Variants in BRD3 observed in about 807,000 individuals in gnomAD.
The protein encoded by BRD3 is bromodomain containing 3, also known as bromodomain-containing protein 3.
A neutral mutation model predicts 66.8 loss-of-function variants in BRD3; 17 were observed. The ratio of observed to expected loss-of-function variants is 0.25; its 90% CI spans 0.17 to 0.38. The LOEUF is 0.38. Among genes scored for constraint, BRD3 ranks in the 10% least tolerant of loss-of-function variants. The pLI is 1.00. For missense variants in BRD3, 713 were observed against 956.1 expected, an observed-to-expected ratio of 0.75 and a Z score of 3.35; for synonymous variants, 421 against 393.2, an observed-to-expected ratio of 1.07 and a Z score of -0.84.
intron 9 of BRD3, 115 bp downstream of exon 9, chr9:134,039,919 C>G: frequency 6.8e-7 from 1 of 1,469,550 alleles, no homozygotes; most frequent in Non-Finnish European, 8.9e-7. Flanking sequence ...CCCCCATCAC[C>G]CTGGTTTCCA....
intron 4 of BRD3, 120 bp from the exon 5 acceptor site, chr9:134,050,708 C>T (rs937233412): frequency 2.6e-6 from 2 of 765,690 alleles, no homozygotes; most frequent in Non-Finnish European, 4.2e-6. Flanking sequence ...GACCGCCGGC[C>T]AGAAGAACCC....
At position 134,030,306 on chromosome 9, in the gene BRD3, T is replaced by C. The variant is rs1299648518; in HGVS notation, c.*3284A>G. 5.8e-5 allele frequency: 1 copy of C among 17,314 alleles called. No individual in the cohort carries two copies. The highest frequency in any genetic ancestry group is 4.3e-4 in the African/African-American group (1 of 2,352). The allele number at this position is 17,314 out of a possible 1,614,324, so 1.1% of individuals were successfully genotyped here. A position where few individuals can be genotyped will look rare whatever the true frequency, so the allele number is the denominator to read the frequency against. On this transcript the variant is annotated 3_prime_UTR_variant, in exon 12 of 12. Coordinates refer to ENST00000303407, the MANE Select transcript of BRD3 (RefSeq NM_007371.4). ...AAAATGCAAAAAAAAAAAACAGTCTTTTTTTTTTTTTTTTTTTTTGCTTTT... is the reference window on the plus strand; with the variant it reads ...AAAATGCAAAAAAAAAAAACAGTCTCTTTTTTTTTTTTTTTTTTTGCTTTT...
intron 10 of BRD3, among the ~76,000 whole-genome samples, chr9:134,035,066 C>T (rs1843578745): frequency 6.6e-6 from 1 of 152,224 alleles, no homozygotes; most frequent in Non-Finnish European, 1.5e-5. Context: ...TCAGGGTGAG[C>T]AAAGCCTGGA....
rs1446947230 is a variant in BRD3, at chr9:134,033,198, C to T, written c.*392G>A. On this transcript the variant is annotated 3_prime_UTR_variant, in exon 12 of 12. Transcript: ENST00000303407. The surrounding 1 kb of genome is among the most constrained non-coding windows in gnomAD (Gnocchi z 5.1). Reference sequence around the variant, plus strand: ...AAGCTAACAGCTTTCAAATACAGTACCCATATCCGAGACATTTCCTTGGAA... The same window carrying T: ...AAGCTAACAGCTTTCAAATACAGTATCCATATCCGAGACATTTCCTTGGAA... 2.5e-6 allele frequency: 1 copy of T among 407,092 alleles called. No individual in the cohort carries two copies. Among genetic ancestry groups the T allele is most frequent in the Non-Finnish European group, 4.3e-6 (1 of 231,432 alleles). 25.2% of individuals were successfully genotyped at this position (407,092 alleles called of 1,614,324 possible).
In BRD3 at chr9:134,052,416, T is replaced by C. The variant is rs1056218074; in HGVS notation, c.241A>G (p.Met81Val). The C allele has an allele frequency of 1.8e-5, 29 of 1,608,646 alleles. No homozygotes were observed. Among genetic ancestry groups the C allele is most frequent in the Non-Finnish European group, 2.4e-5 (28 of 1,178,266 alleles). The change falls in exon 3 of 12, where the codon ATG (methionine) becomes GTG (valine). Residue 81 changes from methionine (M) to valine (V), a missense_variant. Physicochemically the swap from Met to Val is conservative, Grantham distance 21 (BLOSUM62 1). Transcript: ENST00000303407. ...CTCTTCTTAATAGTCCCCATATCCA[T>C]TGGGTTTTTAATTATTTTATGATAA... Reference protein sequence around the residue: ...PDYHKIIKNPMDMGTIKKRLE... With the variant: ...PDYHKIIKNPVDMGTIKKRLE...
At chr9:134,049,218 T>A (rs763365549) in intron 5 of BRD3, among the ~76,000 whole-genome samples, 2 of 152,050 alleles carry the variant, frequency 1.3e-5, no homozygotes, top group Non-Finnish European at 2.9e-5. Context: ...GGTGTGCAGG[T>A]CTCTCTGGGC....
intron 1 of BRD3, 198 bp from the exon 2 acceptor site, chr9:134,053,788 A>C (rs555759792): frequency 1.3e-4 from 50 of 383,640 alleles, no homozygotes; most frequent in African/African-American, 8.6e-4. Flanking sequence ...GCTCAGAACG[A>C]CTCTCCAACC....
chr9:134,049,583 C>G (rs545747712), intron 5 of BRD3, among the ~76,000 whole-genome samples: 4 of 152,250 alleles, frequency 2.6e-5, no homozygotes, highest in Non-Finnish European at 5.9e-5. Flanking sequence ...CCAGAAACAG[C>G]CCCCACTGGG....
chr9:134,059,710 T>G (rs1177081361), intron 1 of BRD3, among the ~76,000 whole-genome samples: 1 of 152,130 alleles, frequency 6.6e-6, no homozygotes, highest in Admixed American at 6.5e-5. Context: ...GCATGTACAG[T>G]GCAGGAAGAA....
chr9:134,042,213 C>T (rs1474368404), intron 7 of BRD3, among the ~76,000 whole-genome samples: 1 of 152,218 alleles, frequency 6.6e-6, no homozygotes, highest in Non-Finnish European at 1.5e-5. Flanking sequence ...TCAGCAACTC[C>T]ATGAGCCCTC....
intron 1 of BRD3, among the ~76,000 whole-genome samples, chr9:134,066,608 G>C (rs949168655): frequency 6.6e-6 from 1 of 151,792 alleles, no homozygotes. Flanking sequence ...AAGGGGAAAA[G>C]CCTACAAAAG....
In BRD3 at chr9:134,045,057, C is replaced by A. The variant is rs753575367; in HGVS notation, c.1215+236G>T. On this transcript the variant is annotated intron_variant, in intron 7 of 11. Transcript: ENST00000303407. The surrounding 1 kb of genome is among the most constrained non-coding windows in gnomAD (Gnocchi z 4.8). ...AAGACTCACTACTGCGACACCCCCACAGAGCCCCAGTGGTCCCACCTGCTC... is the reference window on the plus strand; with the variant it reads ...AAGACTCACTACTGCGACACCCCCAAAGAGCCCCAGTGGTCCCACCTGCTC... Among the ~76,000 whole-genome samples, 53 of 152,332 alleles carry A rather than the reference C, an allele frequency of 3.5e-4. No individual in the cohort carries two copies. Among genetic ancestry groups the A allele is most frequent in the Non-Finnish European group, 6.9e-4 (47 of 68,032 alleles).
rs1368500448 is a variant in BRD3, at chr9:134,031,892, TCA to T, written c.*1696_*1697del. On this transcript the variant is annotated 3_prime_UTR_variant, in exon 12 of 12. Coordinates refer to ENST00000303407, the MANE Select transcript of BRD3 (RefSeq NM_007371.4). ...CTGAGGTCCGGGAGAATGCCTGGTTTCAGTCATTTCCGGACTAACTGTGACAA... is the reference window on the plus strand; with the variant it reads ...CTGAGGTCCGGGAGAATGCCTGGTTTGTCATTTCCGGACTAACTGTGACAA... The T allele has an allele frequency of 1.8e-5, 4 of 221,752 alleles. No individual in the cohort carries two copies. The highest frequency in any genetic ancestry group is 3.6e-5 in the Non-Finnish European group (4 of 110,804). 13.7% of individuals were successfully genotyped at this position (221,752 alleles called of 1,614,324 possible).
At chr9:134,040,313 C>T in intron 8 of BRD3, 44 bp from the exon 9 acceptor site, 1 of 1,566,336 alleles carries the variant, frequency 6.4e-7, no homozygotes, top group Non-Finnish European at 8.6e-7. Flanking sequence ...GCACGGCCCA[C>T]ACCACTGGGG....
intron 9 of BRD3, chr9:134,036,586 T>C: frequency 1.2e-6 from 2 of 1,608,914 alleles, no homozygotes; most frequent in Middle Eastern, 3.3e-4. Flanking sequence ...GGTCAAGAAA[T>C]GATCTCTGTA....
intron 1 of BRD3, 42 bp downstream of exon 1, chr9:134,067,903 C>T (rs1424453195): frequency 1.4e-5 from 2 of 145,190 alleles, no homozygotes; most frequent in Non-Finnish European, 3.1e-5. Context: ...GCCCGCGCCG[C>T]CCGCCGCCCC....
At chr9:134,068,221 T>TGGCCCGGGGGGCGCGCGGGGGCGG (rs1434163655), upstream of BRD3, 1 of 142,666 alleles carries the variant, frequency 7.0e-6, no homozygotes, top group African/African-American at 2.5e-5. Context: ...AGAGCGGGCC[T>TGGCCCGGGGGGCGCGCGGGGGCGG]GGCCCGGGGG....
At chr9:134,050,308 C>G in intron 5 of BRD3, 66 bp downstream of exon 5, 1 of 1,510,208 alleles carries the variant, frequency 6.6e-7, no homozygotes, top group Non-Finnish European at 9.1e-7. Flanking sequence ...CCTGCTGCTC[C>G]TGCCCTGACC....
chr9:134,057,256 G>A (rs980913457), intron 1 of BRD3: 10 of 152,236 alleles, frequency 6.6e-5, no homozygotes, highest in South Asian at 2.1e-4. Flanking sequence ...CCAAATCAAC[G>A]TGGAGGTTCC....
Sources: gnomAD v4.1 joint callset for allele counts (sites outside exome capture counted in the v4.1 genomes callset) on GRCh38, gnomAD v4.1.1 for gene constraint, Gnocchi (gnomAD v3.1) non-coding constraint, MANE v1.5 for transcripts, NCBI Gene and HGNC (gene_info 2026-07-23, HGNC 2026-07-21) for gene names.